RAI14: variants seen among roughly 807,000 people sequenced by gnomAD.
RAI14 encodes ankycorbin.
Under a neutral mutation model 115.4 loss-of-function variants are expected in RAI14, and 45 were observed. The ratio of observed to expected loss-of-function variants is 0.39; its 90% CI spans 0.31 to 0.50. The LOEUF is 0.50. RAI14 is among the 20% of genes least tolerant of loss of function. RAI14 has a pLI of 0.85. For missense variants in RAI14, 939 were observed against 1,131.2 expected (o/e 0.83, Z 2.44); for synonymous variants, 371 against 415.4 (o/e 0.89, Z 1.30).
At chr5:34,661,739 A>G (rs1742702086) in intron 1 of RAI14, among the ~76,000 whole-genome samples, 1 of 152,190 alleles carries the variant, frequency 6.6e-6, no homozygotes, top group Admixed American at 6.5e-5. Flanking sequence ...TGAATGTGGA[A>G]GATGCATAAC....
At chr5:34,671,788 A>G (rs1306761928) in intron 1 of RAI14, among the ~76,000 whole-genome samples, 1 of 152,200 alleles carries the variant, frequency 6.6e-6, no homozygotes, top group East Asian at 1.9e-4. Flanking sequence ...AATCCCATTT[A>G]CAGTGCATCT....
intron 1 of RAI14, among the ~76,000 whole-genome samples, chr5:34,673,432 C>G (rs1743755521): frequency 6.6e-6 from 1 of 152,212 alleles, no homozygotes; most frequent in East Asian, 1.9e-4. Flanking sequence ...TTATATATTT[C>G]ACTTCTGTAG....
chr5:34,831,712 CT>C lies in RAI14; in HGVS notation c.*949del, dbSNP rs1211263344. The stretch of plus-strand genomic sequence containing the variant: ...ACAAAATACTTTTTAGGTAGCCATG[CT>C]TGAGACTTTTTAAAAATATAACTTT... On this transcript the variant is annotated 3_prime_UTR_variant, in exon 18 of 18. Coordinates refer to ENST00000265109, the MANE Select transcript of RAI14 (RefSeq NM_015577.3). The C allele has an allele frequency of 6.6e-6, 1 of 152,112 alleles. No homozygotes were observed. Among genetic ancestry groups the C allele is most frequent in the Non-Finnish European group, 1.5e-5 (1 of 68,022 alleles). The allele number at this position is 152,112 out of a possible 1,614,324, so 9.4% of individuals were successfully genotyped here.
At chr5:34,664,578 TTTC>T (rs1463487965) in intron 1 of RAI14, among the ~76,000 whole-genome samples, 1 of 152,124 alleles carries the variant, frequency 6.6e-6, no homozygotes, top group East Asian at 1.9e-4. Flanking sequence ...GATATTCTGT[TTTC>T]TTATGATCTA....
chr5:34,764,408 A>G (rs1247793486), intron 3 of RAI14, among the ~76,000 whole-genome samples: 2 of 151,408 alleles, frequency 1.3e-5, no homozygotes, highest in Non-Finnish European at 3.0e-5. Flanking sequence ...TGGTTTGTCC[A>G]AACAGAACCA....
At chr5:34,686,116 C>T (rs1364756620) in intron 1 of RAI14, among the ~76,000 whole-genome samples, 6 of 152,148 alleles carry the variant, frequency 3.9e-5, no homozygotes, top group Non-Finnish European at 7.3e-5. Context: ...CTGTTTTCCT[C>T]ATCACTTTTC....
intron 1 of RAI14, among the ~76,000 whole-genome samples, chr5:34,674,571 T>C (rs2149860773): frequency 6.6e-6 from 1 of 151,798 alleles, no homozygotes; most frequent in African/African-American, 2.4e-5. Context: ...TTTTGCTTTT[T>C]GAATCGGATC....
intron 5 of RAI14, among the ~76,000 whole-genome samples, chr5:34,805,620 A>C (rs1439676868): frequency 6.6e-6 from 1 of 152,106 alleles, no homozygotes; most frequent in East Asian, 1.9e-4. Context: ...CGGGTGGATC[A>C]CCTGAGGCCA....
Position 34,760,380 on chromosome 5 carries a change from T to C in RAI14, c.167+2782T>C, listed in dbSNP as rs571120602. On this transcript the variant is annotated intron_variant, in intron 3 of 17. Coordinates refer to ENST00000265109, the MANE Select transcript of RAI14 (RefSeq NM_015577.3). ...CATGTTGATCAGAATCAACCCCAGA[T>C]GCTCTGAATCACTTGGTCTGGGGAG... is the stretch of plus-strand genomic sequence containing the variant. Among the ~76,000 whole-genome samples, 3 of 152,310 alleles carry C rather than the reference T, an allele frequency of 2.0e-5. No homozygotes were observed. In the South Asian group the frequency reaches 6.2e-4, roughly 32 times the overall value.
chr5:34,830,449 A>T (rs553483731), intron 17 of RAI14, among the ~76,000 whole-genome samples: 47 of 152,320 alleles, frequency 3.1e-4, no homozygotes, highest in African/African-American at 1.1e-3. Context: ...GACCCCAGAT[A>T]GCTTTTGCTG....
chr5:34,821,920 G>A (rs1387390288), intron 14 of RAI14, 70 bp downstream of exon 14: 2 of 812,990 alleles, frequency 2.5e-6, no homozygotes, highest in East Asian at 2.6e-5. Context: ...GTAGTCAGAT[G>A]TATTTTGTTT....
intron 2 of RAI14, among the ~76,000 whole-genome samples, chr5:34,738,530 G>C: frequency 6.6e-6 from 1 of 152,160 alleles, no homozygotes; most frequent in East Asian, 1.9e-4. Context: ...TCCCTTGTTT[G>C]CTTGGTGTGC....
chr5:34,693,971 T>C (rs1231034736), intron 2 of RAI14, among the ~76,000 whole-genome samples: 1 of 152,230 alleles, frequency 6.6e-6, no homozygotes, highest in African/African-American at 2.4e-5. Flanking sequence ...CAGATGCTGC[T>C]TCTGCTCTTC....
rs1251344609 is a variant in RAI14, at chr5:34,811,883, C to T, written c.674C>T (p.Ser225Phe). Reference sequence around the variant, plus strand: ...CTTGGATACAATGCCTTACATTATTCCAAACTCTCAGAAAATGCAGGAATT... The same window carrying T: ...CTTGGATACAATGCCTTACATTATTTCAAACTCTCAGAAAATGCAGGAATT... ...DSLGYNALHY[S>F]KLSENAGIQS... The change falls in exon 9 of 18, where the codon TCC becomes TTC. Residue 225 changes from serine (S) to phenylalanine (F), a missense_variant. Physicochemically the swap from Ser to Phe is radical, Grantham distance 155. Coordinates refer to ENST00000265109, the MANE Select transcript of RAI14 (RefSeq NM_015577.3). 2 of 1,613,194 alleles carry T rather than the reference C, an allele frequency of 1.2e-6. No individual in the cohort carries two copies. Among genetic ancestry groups the T allele is most frequent in the South Asian group, 2.2e-5 (2 of 91,040 alleles).
At chr5:34,692,421 A>G (rs1048418034) in intron 2 of RAI14, among the ~76,000 whole-genome samples, 2 of 151,656 alleles carry the variant, frequency 1.3e-5, no homozygotes, top group Middle Eastern at 3.2e-3. Flanking sequence ...CATACACACA[A>G]TGGGAGTATT....
intron 5 of RAI14, among the ~76,000 whole-genome samples, 192 bp from the exon 6 acceptor site, chr5:34,807,608 G>C (rs113458542): frequency 1.7e-4 from 26 of 152,108 alleles, no homozygotes; most frequent in African/African-American, 5.8e-4. Context: ...AGAGGGGAGA[G>C]TTTGCCCATC....
At chr5:34,744,943 C>A (rs1325378512) in intron 2 of RAI14, among the ~76,000 whole-genome samples, 1 of 152,192 alleles carries the variant, frequency 6.6e-6, no homozygotes. Context: ...TGGTTAATGG[C>A]AGCATAATTC....
intron 5 of RAI14, among the ~76,000 whole-genome samples, chr5:34,806,955 G>A (rs916192361): frequency 2.0e-5 from 3 of 152,144 alleles, no homozygotes; most frequent in Non-Finnish European, 2.9e-5. Flanking sequence ...TTGTGCCTCC[G>A]TTTCTTCATC....
At chr5:34,719,121 T>A (rs567345006) in intron 2 of RAI14, among the ~76,000 whole-genome samples, 115 of 150,418 alleles carry the variant, frequency 7.6e-4, no homozygotes, top group Non-Finnish European at 9.3e-4. Context: ...ATCCGTGTTG[T>A]GGAACTTCAG....
Sources: gnomAD v4.1 joint callset for allele counts (sites outside exome capture counted in the v4.1 genomes callset) on GRCh38, gnomAD v4.1.1 for gene constraint, MANE v1.5 for transcripts, NCBI Gene and HGNC (gene_info 2026-07-23, HGNC 2026-07-21) for gene names.